Variants in BTNL8 observed in about 807,000 individuals in gnomAD.
BTNL8 encodes butyrophilin-like protein 8.
BTNL8 carries 22 observed loss-of-function variants against 36.1 expected under a neutral mutation model. That is an observed-to-expected ratio of 0.61 (90% CI 0.44 to 0.87). The LOEUF (loss-of-function observed/expected upper bound fraction) is 0.87, where lower values mean the gene tolerates loss of function less well. Ranked by LOEUF, BTNL8 falls within the 40% of genes least tolerant of loss-of-function variation. The pLI, the probability that BTNL8 is intolerant of heterozygous loss-of-function variation, is 0.00. For synonymous variants in BTNL8, 203 were observed against 235.6 expected, an observed-to-expected ratio of 0.86 and a Z score of 1.27; for missense variants, 526 against 616.9, an observed-to-expected ratio of 0.85 and a Z score of 1.56.
chr5:180,941,912 C>CTTTT (rs1554145496), intron 3 of BTNL8, among the ~76,000 whole-genome samples: 8 of 145,072 alleles, frequency 5.5e-5, no homozygotes, highest in African/African-American at 1.3e-4. Flanking sequence ...TTTTACTACT[C>CTTTT]TTATTCAACA....
At chr5:180,942,493 GAATAA>G (rs1487952274) in intron 3 of BTNL8, among the ~76,000 whole-genome samples, 12 of 152,166 alleles carry the variant, frequency 7.9e-5, no homozygotes, top group Non-Finnish European at 1.3e-4. Flanking sequence ...AAACATTACT[GAATAA>G]AAGAACAAAG....
chr5:180,912,240 T>C (rs1757434452), intron 3 of BTNL8, among the ~76,000 whole-genome samples: 1 of 152,134 alleles, frequency 6.6e-6, no homozygotes, highest in Non-Finnish European at 1.5e-5. Context: ...TCTCAGGTCT[T>C]CTGGTTTCAA....
At chr5:180,915,264 TCA>T (rs1757573749) in intron 3 of BTNL8, among the ~76,000 whole-genome samples, 1 of 152,212 alleles carries the variant, frequency 6.6e-6, no homozygotes, top group Non-Finnish European at 1.5e-5. Context: ...TCTTGGTCCA[TCA>T]CAGTGGGGCA....
intron 3 of BTNL8, among the ~76,000 whole-genome samples, chr5:180,930,821 C>A (rs1758339315): frequency 6.6e-6 from 1 of 152,078 alleles, no homozygotes; most frequent in African/African-American, 2.4e-5. Context: ...AGGACACAAA[C>A]AAATGGAAGA....
Position 180,949,432 on chromosome 5 carries a change from C to T in BTNL8, c.862+167C>T. On this transcript the variant is annotated intron_variant, in intron 7 of 7. Coordinates refer to ENST00000340184, the MANE Select transcript of BTNL8 (RefSeq NM_001040462.3). The stretch of plus-strand genomic sequence containing the variant: ...CCCCCAAGGGTTCAGTGCCCCCAGA[C>T]ACACTTCTTTCCCTTGGTCTAGAAG... The T allele has an allele frequency of 2.8e-6, 3 of 1,062,122 alleles. 1 individual carries two copies. Among genetic ancestry groups the T allele is most frequent in the Non-Finnish European group, 2.7e-6 (2 of 740,718 alleles). 65.8% of individuals were successfully genotyped at this position (1,062,122 alleles called of 1,614,324 possible).
At chr5:180,919,239 T>C (rs1173593470) in intron 3 of BTNL8, among the ~76,000 whole-genome samples, 1 of 152,238 alleles carries the variant, frequency 6.6e-6, no homozygotes, top group African/African-American at 2.4e-5. Context: ...TCTTAAGACC[T>C]CTGTTGTAAT....
intron 3 of BTNL8, among the ~76,000 whole-genome samples, chr5:180,934,242 T>C (rs887151047): frequency 1.3e-5 from 2 of 152,230 alleles, no homozygotes; most frequent in Non-Finnish European, 2.9e-5. Context: ...TTCAGCACCC[T>C]TTCATGATTA....
chr5:180,909,940 C>G (rs1357600471), intron 2 of BTNL8: 3 of 152,070 alleles, frequency 2.0e-5, no homozygotes, highest in Non-Finnish European at 4.4e-5. Flanking sequence ...TTTTTAAAAA[C>G]CACTATGAGT....
At chr5:180,911,650 G>GGA in intron 3 of BTNL8, 36 bp downstream of exon 3, 1 of 1,562,634 alleles carries the variant, frequency 6.4e-7, no homozygotes, top group East Asian at 2.3e-5. Context: ...AAGGAGGGGT[G>GGA]GATGCTTCGG....
intron 3 of BTNL8, among the ~76,000 whole-genome samples, chr5:180,936,309 A>G (rs1474600392): frequency 6.6e-6 from 1 of 152,184 alleles, no homozygotes; most frequent in African/African-American, 2.4e-5. Context: ...AATTGTCTCT[A>G]TTTAGTAATA....
At chr5:180,945,632 G>C in intron 3 of BTNL8, 1 of 247,982 alleles carries the variant, frequency 4.0e-6, no homozygotes, top group South Asian at 4.3e-5. Flanking sequence ...CAAATAACCT[G>C]ATCTTAAAAA....
At chr5:180,900,635 G>A (rs1479428148) in intron 1 of BTNL8, among the ~76,000 whole-genome samples, 1 of 152,200 alleles carries the variant, frequency 6.6e-6, no homozygotes, top group Non-Finnish European at 1.5e-5. Flanking sequence ...GCTGGCATAC[G>A]CTGGGTCCCC....
chr5:180,937,095 A>G (rs1040164018), intron 3 of BTNL8, among the ~76,000 whole-genome samples: 1 of 152,078 alleles, frequency 6.6e-6, no homozygotes, highest in African/African-American at 2.4e-5. Flanking sequence ...GGAACAGCCC[A>G]TTTGGTGTCC....
chr5:180,909,188 T>C (rs1435342035), intron 2 of BTNL8, among the ~76,000 whole-genome samples: 1 of 152,088 alleles, frequency 6.6e-6, no homozygotes, highest in Non-Finnish European at 1.5e-5. Flanking sequence ...CCCTTCATGG[T>C]CACACCCACC....
At chr5:180,947,730 G>A (rs752371948) in intron 4 of BTNL8, 105 bp downstream of exon 4, 36 of 1,614,182 alleles carry the variant, frequency 2.2e-5, no homozygotes, top group Non-Finnish European at 2.9e-5. Context: ...TCTAGTCCTA[G>A]CCTCCAGGGG....
intron 3 of BTNL8, among the ~76,000 whole-genome samples, chr5:180,941,027 GC>G (rs1758908929): frequency 6.6e-6 from 1 of 151,534 alleles, no homozygotes; most frequent in Non-Finnish European, 1.5e-5. Context: ...GGAGGCAGAG[GC>G]TGCAGTGAGC....
intron 3 of BTNL8, among the ~76,000 whole-genome samples, chr5:180,937,860 A>C (rs1758731231): frequency 6.6e-6 from 1 of 152,160 alleles, no homozygotes; most frequent in Non-Finnish European, 1.5e-5. Flanking sequence ...GACACAAGAG[A>C]CTAGAAATGG....
intron 3 of BTNL8, among the ~76,000 whole-genome samples, chr5:180,931,071 G>A (rs949309127): frequency 1.3e-5 from 2 of 152,132 alleles, no homozygotes; most frequent in African/African-American, 4.8e-5. Context: ...ATACTAGAAG[G>A]CTACAGTAAC....
chr5:180,947,386 A>C, intron 3 of BTNL8, 126 bp from the exon 4 acceptor site: 1 of 1,268,412 alleles, frequency 7.9e-7, no homozygotes, highest in East Asian at 2.3e-5. Flanking sequence ...CAAAGTATTA[A>C]GCCTATAGGA....
Sources: gnomAD v4.1 joint callset for allele counts (sites outside exome capture counted in the v4.1 genomes callset) on GRCh38, gnomAD v4.1.1 for gene constraint, MANE v1.5 for transcripts, NCBI Gene and HGNC (gene_info 2026-07-23, HGNC 2026-07-21) for gene names.